The following BMPR1B variants were observed in gnomAD, a reference collection of about 807,000 sequenced individuals.
The protein encoded by BMPR1B is bone morphogenetic protein receptor type-1B.
A neutral mutation model predicts 59.1 loss-of-function variants in BMPR1B; 12 were observed. The ratio of observed to expected loss-of-function variants is 0.20; its 90% CI spans 0.13 to 0.33. The LOEUF is 0.33. BMPR1B is among the 10% of genes least tolerant of loss of function. The pLI is 1.00. For synonymous variants in BMPR1B, 237 were observed against 207.3 expected (o/e 1.14, Z -1.23); for missense variants, 550 against 610.9 (o/e 0.90, Z 1.05).
At chr4:95,007,894 A>C (rs1578917616) in intron 3 of BMPR1B, among the ~76,000 whole-genome samples, 1 of 152,212 alleles carries the variant, frequency 6.6e-6, no homozygotes, top group East Asian at 1.9e-4. Flanking sequence ...CAAGTCATTT[A>C]AGAAAAAAGT....
chr4:95,115,631 T>A (rs1042883969), intron 5 of BMPR1B, 54 bp from the exon 6 acceptor site: 2 of 1,467,800 alleles, frequency 1.4e-6, no homozygotes, highest in Non-Finnish European at 1.9e-6. Flanking sequence ...TTTAGATGAT[T>A]TGACTTTGAA....
At chr4:94,795,971 T>C (rs1012826002) in intron 1 of BMPR1B, among the ~76,000 whole-genome samples, 35 of 54,810 alleles carry the variant, frequency 6.4e-4, no homozygotes, top group Non-Finnish European at 1.2e-3. Context: ...TTTTTTTAAC[T>C]TTTTTTTTTT....
intron 4 of BMPR1B, among the ~76,000 whole-genome samples, chr4:95,109,539 G>A (rs549663758): frequency 2.6e-5 from 4 of 152,150 alleles, no homozygotes; most frequent in Admixed American, 1.3e-4. Flanking sequence ...GTTTTACCTT[G>A]CATACTGAAT....
rs557381378 is a variant in BMPR1B at position 94,917,852 on chromosome 4, G to A, written c.-113+41952G>A. Among the ~76,000 whole-genome samples, 3 of 152,154 alleles carry A rather than the reference G, an allele frequency of 2.0e-5. No individual in the cohort carries two copies. In the South Asian group the frequency reaches 6.2e-4, roughly 32 times the overall value. On this transcript the variant is annotated intron_variant, in intron 2 of 12. Coordinates refer to ENST00000515059, the MANE Select transcript of BMPR1B (RefSeq NM_001203.3). The stretch of plus-strand genomic sequence containing the variant: ...TCCTCACCTAACTCTCATTAGTGCT[G>A]GAGGTGAGACCTGGTGGGAGGAGTT...
At chr4:94,920,204 C>T (rs543745824) in intron 2 of BMPR1B, among the ~76,000 whole-genome samples, 19 of 152,252 alleles carry the variant, frequency 1.2e-4, no homozygotes, top group South Asian at 8.3e-4. Context: ...TAAATTAAAA[C>T]TACAAACAAA....
At chr4:95,019,960 T>C (rs1234658506) in intron 3 of BMPR1B, among the ~76,000 whole-genome samples, 3 of 152,154 alleles carry the variant, frequency 2.0e-5, no homozygotes, top group Non-Finnish European at 4.4e-5. Flanking sequence ...AATTTAAAAT[T>C]ATTATTGAAG....
At chr4:95,055,697 A>G (rs1257570453) in intron 3 of BMPR1B, among the ~76,000 whole-genome samples, 4 of 152,176 alleles carry the variant, frequency 2.6e-5, no homozygotes, top group Non-Finnish European at 5.9e-5. Context: ...TTGGATAGTA[A>G]TTTCACGTAA....
chr4:95,073,508 A>G (rs1447329346), intron 3 of BMPR1B, among the ~76,000 whole-genome samples: 2 of 152,012 alleles, frequency 1.3e-5, no homozygotes, highest in Non-Finnish European at 2.9e-5. Context: ...CATCATAACC[A>G]TTTTACTGTT....
chr4:95,065,317 G>C (rs115767454), intron 3 of BMPR1B, among the ~76,000 whole-genome samples: 151 of 152,198 alleles, frequency 9.9e-4, no homozygotes, highest in African/African-American at 3.2e-3. Flanking sequence ...GTGACTGCCT[G>C]TATATGGTTT....
rs371155612 is a variant in BMPR1B at position 95,154,711 on chromosome 4, C to T, written c.*38C>T. On this transcript the variant is annotated 3_prime_UTR_variant, in exon 13 of 13. Transcript: ENST00000515059. The stretch of plus-strand genomic sequence containing the variant: ...AGTAAGCATCTCTGCAGAAAGCCAA[C>T]AGGTACTCTTCTGTTTGTGGGCAGA... The T allele has an allele frequency of 1.2e-6, 2 of 1,612,038 alleles. No homozygotes were observed. The highest frequency in any genetic ancestry group is 1.7e-5 in the Admixed American group (1 of 59,986).
intron 1 of BMPR1B, among the ~76,000 whole-genome samples, chr4:94,856,715 T>C (rs7654266): frequency 0.6 from 91,924 of 152,052 alleles, 28,533 homozygotes; most frequent in African/African-American, 0.74. Context: ...CAAACTGTTT[T>C]GTGGTAGATG....
chr4:94,875,965 A>G (rs536101046), intron 2 of BMPR1B, 65 bp downstream of exon 2: 1 of 152,608 alleles, frequency 6.6e-6, no homozygotes, highest in Non-Finnish European at 1.5e-5. Context: ...GCTTTTTGAC[A>G]CTCCGACTTT....
At chr4:95,058,978 A>T (rs1028146223) in intron 3 of BMPR1B, among the ~76,000 whole-genome samples, 3 of 152,190 alleles carry the variant, frequency 2.0e-5, no homozygotes, top group Non-Finnish European at 4.4e-5. Flanking sequence ...ATTGCATTAT[A>T]AAACAAGTCT....
At chr4:94,879,555 T>G (rs1020678237) in intron 2 of BMPR1B, among the ~76,000 whole-genome samples, 6 of 152,130 alleles carry the variant, frequency 3.9e-5, no homozygotes, top group Non-Finnish European at 7.4e-5. Flanking sequence ...GTGAGCTGTG[T>G]TAGCACCACT....
At chr4:95,081,206 T>G (rs1225556256) in intron 3 of BMPR1B, among the ~76,000 whole-genome samples, 1 of 152,146 alleles carries the variant, frequency 6.6e-6, no homozygotes, top group Non-Finnish European at 1.5e-5. Flanking sequence ...TTCTGAGGCC[T>G]CCTCAGCCAT....
intron 2 of BMPR1B, among the ~76,000 whole-genome samples, chr4:94,880,817 G>A (rs1726934701): frequency 6.6e-6 from 1 of 151,772 alleles, no homozygotes; most frequent in South Asian, 2.1e-4. Context: ...TATATTTTTA[G>A]TAGAGACGGG....
intron 3 of BMPR1B, among the ~76,000 whole-genome samples, chr4:95,088,941 CA>C (rs1170626151): frequency 3.3e-5 from 5 of 152,062 alleles, no homozygotes; most frequent in Non-Finnish European, 5.9e-5. Context: ...GAATAGTTTT[CA>C]TAACTGAAGT....
rs191645724 is a variant in BMPR1B at position 94,895,845 on chromosome 4, A to G, written c.-113+19945A>G. On this transcript the variant is annotated intron_variant, in intron 2 of 12. Transcript: ENST00000515059. The stretch of plus-strand genomic sequence containing the variant: ...TTAGTTAATGCTAAAACTGTGATAC[A>G]AACACACAAGTGATAAAAGGAAAGG... Among the ~76,000 whole-genome samples the G allele has an allele frequency of 1.7e-3, 264 of 152,110 alleles. 1 individual carries two copies. Among genetic ancestry groups the G allele is most frequent in the African/African-American group, 6.2e-3 (259 of 41,572 alleles).
chr4:95,010,825 CAG>C (rs1723167748), intron 3 of BMPR1B, among the ~76,000 whole-genome samples: 2 of 152,154 alleles, frequency 1.3e-5, no homozygotes, highest in Admixed American at 1.3e-4. Context: ...AATGGGTTGA[CAG>C]ATTCTCTCTC....
Sources: gnomAD v4.1 joint callset for allele counts (sites outside exome capture counted in the v4.1 genomes callset) on GRCh38, gnomAD v4.1.1 for gene constraint, MANE v1.5 for transcripts, NCBI Gene and HGNC (gene_info 2026-07-23, HGNC 2026-07-21) for gene names.